Variants in PHYKPL observed in about 807,000 individuals in gnomAD.
The protein encoded by PHYKPL is 5-phosphonooxy-L-lysine phospho-lyase.
Under a neutral mutation model 51.3 loss-of-function variants are expected in PHYKPL, and 42 were observed. The ratio of observed to expected loss-of-function variants is 0.82; its 90% CI spans 0.64 to 1.06. The LOEUF is 1.06. PHYKPL is among the 50% of genes least tolerant of loss of function. PHYKPL has a pLI of 0.00. For synonymous variants in PHYKPL, 264 were observed against 236.0 expected (o/e 1.12, Z -1.09); for missense variants, 655 against 586.6 (o/e 1.12, Z -1.20).
At chr5:178,231,596 C>G in intron 1 of PHYKPL, 73 bp from the exon 2 acceptor site, 1 of 1,609,054 alleles carries the variant, frequency 6.2e-7, no homozygotes, top group Non-Finnish European at 8.5e-7. Context: ...TCGCAGACCC[C>G]CGCCCACCCC....
intron 12 of PHYKPL, chr5:178,209,276 G>A: frequency 7.1e-7 from 1 of 1,401,146 alleles, no homozygotes; most frequent in Admixed American, 1.7e-5. Flanking sequence ...TGTTTGGGCA[G>A]TCACTGCCCT....
At chr5:178,209,532 T>C (rs1757524547) in intron 12 of PHYKPL, 2 of 1,176,740 alleles carry the variant, frequency 1.7e-6, no homozygotes, top group East Asian at 2.4e-5. Context: ...CCTCTGGTGC[T>C]GTGCAGCAGG....
At position 178,232,468 on chromosome 5, in the gene PHYKPL, G is replaced by A. The variant is rs1007333933; in HGVS notation, c.59+24C>T. 2.0e-5 allele frequency: 24 copies of A among 1,179,478 alleles called. No homozygotes were observed. The African/African-American group carries it at 2.1e-4, about 10-fold the overall frequency. 73.1% of individuals were successfully genotyped at this position (1,179,478 alleles called of 1,614,324 possible). ...CTCTCCGCGCAGCCCCGCGCCCCCC[G>A]CCGCCCGCCCCCCGCCCGGGTACCT... On this transcript the variant is annotated intron_variant, in intron 1 of 12. Coordinates refer to ENST00000308158, the MANE Select transcript of PHYKPL (RefSeq NM_153373.4).
downstream of PHYKPL, chr5:178,207,253 T>G: frequency 2.5e-6 from 4 of 1,612,476 alleles, no homozygotes; most frequent in Non-Finnish European, 3.4e-6. Flanking sequence ...CTGCTTGGCC[T>G]CCTGTGCTGC....
At chr5:178,224,817 C>T in intron 4 of PHYKPL, 88 bp from the exon 5 acceptor site, 1 of 1,077,530 alleles carries the variant, frequency 9.3e-7, no homozygotes, top group South Asian at 1.6e-5. Context: ...CCCCTGAAGA[C>T]ACACAAGGGA....
intron 10 of PHYKPL, among the ~76,000 whole-genome samples, chr5:178,213,366 G>A (rs1240235433): frequency 2.0e-5 from 3 of 152,244 alleles, no homozygotes; most frequent in Non-Finnish European, 4.4e-5. Flanking sequence ...CACAGTCCAA[G>A]CCAAGAATGA....
chr5:178,214,902 C>T lies in PHYKPL; in HGVS notation c.1083-17G>A, dbSNP rs746777159. 128 of 1,611,474 alleles carry T rather than the reference C, an allele frequency of 7.9e-5. No individual in the cohort carries two copies. Among genetic ancestry groups the T allele is most frequent in the Middle Eastern group, 3.9e-4 (2 of 5,168 alleles). On this transcript the variant is annotated splice_polypyrimidine_tract_variant and intron_variant, in intron 9 of 12. Coordinates refer to ENST00000308158, the MANE Select transcript of PHYKPL (RefSeq NM_153373.4). Reference sequence around the variant, plus strand: ...CCAACACCCCTGCAAGGGAAGGTGACGACATCTCAGGAGGCCAGGCCTGAG... The same window carrying T: ...CCAACACCCCTGCAAGGGAAGGTGATGACATCTCAGGAGGCCAGGCCTGAG...
chr5:178,207,289 G>C, downstream of PHYKPL: 1 of 1,590,038 alleles, frequency 6.3e-7, no homozygotes, highest in Non-Finnish European at 8.6e-7. Flanking sequence ...TAGAGGGATG[G>C]GTTAGGGGTT....
At chr5:178,210,184 C>T (rs373664794) in intron 12 of PHYKPL, 18 of 1,613,182 alleles carry the variant, frequency 1.1e-5, no homozygotes, top group East Asian at 4.5e-5. Context: ...ACCAGGGCTA[C>T]GGCTACCAGC....
At chr5:178,223,568 C>T in intron 6 of PHYKPL, 2 of 440,294 alleles carry the variant, frequency 4.5e-6, no homozygotes, top group Non-Finnish European at 9.2e-6. Context: ...TCCCCCACAC[C>T]TGTTGCAATC....
chr5:178,210,656 C>T (rs1253130639), intron 12 of PHYKPL: 4 of 1,548,740 alleles, frequency 2.6e-6, no homozygotes, highest in Non-Finnish European at 3.6e-6. Flanking sequence ...TGATCGCACA[C>T]ATGCTTTGTT....
chr5:178,218,106 A>C (rs1760276469), intron 8 of PHYKPL, among the ~76,000 whole-genome samples: 1 of 113,102 alleles, frequency 8.8e-6, no homozygotes, highest in African/African-American at 3.9e-5. Context: ...AGTCCCAGCT[A>C]CTCGGGAGGC....
Position 178,214,651 on chromosome 5 carries a change from C to G in PHYKPL, c.1172+145G>C. On this transcript the variant is annotated intron_variant, in intron 10 of 12. Coordinates refer to ENST00000308158, the MANE Select transcript of PHYKPL (RefSeq NM_153373.4). Reference sequence around the variant, plus strand: ...TCAGCTGTCCCCCAACAACTGCCCCCACCCGCCAGCCCCAGCCCTCTTTCA... The same window carrying G: ...TCAGCTGTCCCCCAACAACTGCCCCGACCCGCCAGCCCCAGCCCTCTTTCA... 7.2e-6 allele frequency: 5 copies of G among 695,182 alleles called. 1 individual carries two copies. The Admixed American group carries it at 1.3e-4, about 18-fold the overall frequency. The allele number at this position is 695,182 out of a possible 1,614,324, so 43.1% of individuals were successfully genotyped here.
intron 10 of PHYKPL, among the ~76,000 whole-genome samples, chr5:178,214,483 C>T (rs1306477086): frequency 6.6e-6 from 1 of 152,178 alleles, no homozygotes; most frequent in East Asian, 1.9e-4. Context: ...GTTCCTGGGT[C>T]TGAGTGCCCT....
chr5:178,217,586 C>T (rs1434339107), intron 8 of PHYKPL, among the ~76,000 whole-genome samples: 5 of 151,244 alleles, frequency 3.3e-5, no homozygotes, highest in East Asian at 3.9e-4. Context: ...CAGCCGGCCG[C>T]GGTGACTCAC....
At chr5:178,213,322 A>G (rs1243677596) in intron 10 of PHYKPL, among the ~76,000 whole-genome samples, 1 of 152,226 alleles carries the variant, frequency 6.6e-6, no homozygotes, top group African/African-American at 2.4e-5. Flanking sequence ...GCTGCCCCAC[A>G]GAACAGGCAC....
chr5:178,222,245 G>A (rs1018527968), intron 8 of PHYKPL, 110 bp downstream of exon 8: 27 of 913,598 alleles, frequency 3.0e-5, no homozygotes, highest in East Asian at 1.9e-4. Context: ...TCTTGGAAGC[G>A]TGTGCTGGGC....
chr5:178,232,783 A>C lies in PHYKPL; in HGVS notation c.-233T>G, dbSNP rs1236298047. The C allele has an allele frequency of 5.6e-6, 2 of 356,664 alleles. No homozygotes were observed. The highest frequency in any genetic ancestry group is 9.3e-6 in the Non-Finnish European group (2 of 215,948). 22.1% of individuals were successfully genotyped at this position (356,664 alleles called of 1,614,324 possible). ...CGTGCCTTGGCAGTCCCGCGCAGGA[A>C]CTCGAGCGCTGCCCCGTCTCTGGTT... On this transcript the variant is annotated 5_prime_UTR_variant, in exon 1 of 13. Transcript: ENST00000308158.
intron 3 of PHYKPL, chr5:178,228,615 A>C (rs1762755456): frequency 1.4e-6 from 1 of 702,538 alleles, no homozygotes; most frequent in Admixed American, 2.0e-5. Flanking sequence ...GGTGAATTCC[A>C]CTTCCTAGAA....
Sources: gnomAD v4.1 joint callset for allele counts (sites outside exome capture counted in the v4.1 genomes callset) on GRCh38, gnomAD v4.1.1 for gene constraint, MANE v1.5 for transcripts, NCBI Gene and HGNC (gene_info 2026-07-23, HGNC 2026-07-21) for gene names.